Variants in OSBPL6 observed in about 807,000 individuals in gnomAD.
OSBPL6 encodes the protein oxysterol-binding protein-related protein 6.
A neutral mutation model predicts 125.8 loss-of-function variants in OSBPL6; 49 were observed. That is an observed-to-expected ratio of 0.39 (90% CI 0.31 to 0.49). The LOEUF is 0.49. Among genes scored for constraint, OSBPL6 ranks in the 20% least tolerant of loss-of-function variants. The pLI, the probability that OSBPL6 is intolerant of heterozygous loss-of-function variation, is 0.88. For missense variants in OSBPL6, 986 were observed against 1,135.4 expected, an observed-to-expected ratio of 0.87 and a Z score of 1.89; for synonymous variants, 394 against 391.8, an observed-to-expected ratio of 1.01 and a Z score of -0.07.
chr2:178,213,604 C>A (rs566338882), intron 1 of OSBPL6, among the ~76,000 whole-genome samples: 8 of 152,196 alleles, frequency 5.3e-5, no homozygotes, highest in Non-Finnish European at 1.2e-4. Flanking sequence ...AAACTATACA[C>A]ACCTGCTAGG....
intron 13 of OSBPL6, among the ~76,000 whole-genome samples, chr2:178,362,691 A>C (rs1458580846): frequency 6.6e-6 from 1 of 152,164 alleles, no homozygotes; most frequent in Admixed American, 6.5e-5. Flanking sequence ...CCTAAAAAGT[A>C]GACTTACACC....
At chr2:178,275,919 C>G (rs1013297186) in intron 1 of OSBPL6, among the ~76,000 whole-genome samples, 2 of 152,072 alleles carry the variant, frequency 1.3e-5, no homozygotes, top group African/African-American at 4.8e-5. Flanking sequence ...ATGAGGAACC[C>G]GAGGCACAGA....
At chr2:178,241,975 G>A (rs1436138394) in intron 1 of OSBPL6, among the ~76,000 whole-genome samples, 1 of 152,178 alleles carries the variant, frequency 6.6e-6, no homozygotes, top group Non-Finnish European at 1.5e-5. Flanking sequence ...TTTGTAGCCT[G>A]GGAGCAATAG....
chr2:178,209,874 A>G (rs1390230953), intron 1 of OSBPL6, among the ~76,000 whole-genome samples: 2 of 151,916 alleles, frequency 1.3e-5, no homozygotes, highest in African/African-American at 4.8e-5. Context: ...AAAAAAAAAA[A>G]CTACTAAATA....
chr2:178,372,172 A>G lies in OSBPL6; in HGVS notation c.1334A>G (p.His445Arg). The change falls in exon 14 of 25, where the codon CAT (histidine) becomes CGT (arginine). Residue 445 changes from histidine to arginine, a missense_variant. By Grantham distance (29) the His-to-Arg change is conservative. Transcript: ENST00000190611. ...AELRSRLNRI[H>R]SESIICDQVV... ...CTAAGGAGTCGGTTGAACAGAATAC[A>G]TTCAGAGTCTATTATTTGTGATCAG... 1 of 1,613,430 alleles carries G rather than the reference A, an allele frequency of 6.2e-7. No individual in the cohort carries two copies. Among genetic ancestry groups the G allele is most frequent in the African/African-American group, 1.3e-5 (1 of 75,034 alleles).
At chr2:178,246,220 C>T (rs2091485191) in intron 1 of OSBPL6, among the ~76,000 whole-genome samples, 1 of 152,134 alleles carries the variant, frequency 6.6e-6, no homozygotes. Context: ...TTATGAAGGC[C>T]GTTCAATCCT....
At chr2:178,268,529 A>G (rs2092302330) in intron 1 of OSBPL6, among the ~76,000 whole-genome samples, 1 of 152,174 alleles carries the variant, frequency 6.6e-6, no homozygotes, top group East Asian at 1.9e-4. Flanking sequence ...TGGTTCTGTC[A>G]TGACTTCTTC....
chr2:178,241,727 A>T (rs889641983), intron 1 of OSBPL6, among the ~76,000 whole-genome samples: 6 of 152,144 alleles, frequency 3.9e-5, no homozygotes, highest in Non-Finnish European at 8.8e-5. Context: ...GAGGCTTTTT[A>T]AAAGACATCT....
intron 1 of OSBPL6, among the ~76,000 whole-genome samples, chr2:178,195,695 A>T (rs1051548366): frequency 1.3e-5 from 2 of 152,232 alleles, no homozygotes; most frequent in Non-Finnish European, 2.9e-5. Context: ...CTGGGTTGCC[A>T]GATTATTTCT....
intron 1 of OSBPL6, among the ~76,000 whole-genome samples, chr2:178,243,525 C>G (rs916268995): frequency 6.6e-6 from 1 of 151,904 alleles, no homozygotes; most frequent in Non-Finnish European, 1.5e-5. Context: ...TCACTGCACT[C>G]CCCCCGACCC....
intron 1 of OSBPL6, among the ~76,000 whole-genome samples, chr2:178,252,316 C>G (rs951392188): frequency 3.2e-5 from 3 of 93,860 alleles, no homozygotes; most frequent in Non-Finnish European, 6.5e-5. Flanking sequence ...GTTGATTGGC[C>G]ATACCTTCTG....
Position 178,399,724 on chromosome 2 carries a change from G to A in OSBPL6, c.*4165G>A, listed in dbSNP as rs1422057289. The A allele has an allele frequency of 2.0e-5, 3 of 152,178 alleles. No individual in the cohort carries two copies. Among genetic ancestry groups the A allele is most frequent in the Non-Finnish European group, 4.4e-5 (3 of 68,028 alleles). 9.4% of individuals were successfully genotyped at this position (152,178 alleles called of 1,614,324 possible). ...TTTCTCCAGCCTTGCTCCTAACATAGTGAAAGGCATAGATACACATGTATG... is the reference window on the plus strand; with the variant it reads ...TTTCTCCAGCCTTGCTCCTAACATAATGAAAGGCATAGATACACATGTATG... On this transcript the variant is annotated 3_prime_UTR_variant, in exon 25 of 25. Transcript: ENST00000190611.
chr2:178,243,359 C>T (rs928530311), intron 1 of OSBPL6, among the ~76,000 whole-genome samples: 1 of 151,592 alleles, frequency 6.6e-6, no homozygotes, highest in African/African-American at 2.4e-5. Flanking sequence ...TCAAAGGCAT[C>T]TTTAACTTCT....
intron 21 of OSBPL6, among the ~76,000 whole-genome samples, chr2:178,390,781 G>A (rs1231175918): frequency 1.3e-5 from 2 of 152,026 alleles, no homozygotes; most frequent in African/African-American, 4.8e-5. Context: ...TTCAAAACAA[G>A]AGGAAAAAAA....
At chr2:178,221,933 G>A (rs1194764189) in intron 1 of OSBPL6, among the ~76,000 whole-genome samples, 1 of 152,194 alleles carries the variant, frequency 6.6e-6, no homozygotes, top group African/African-American at 2.4e-5. Flanking sequence ...AAATCACCAA[G>A]GAGTGCTGTG....
chr2:178,200,920 C>T (rs565610503), intron 1 of OSBPL6, among the ~76,000 whole-genome samples: 3 of 151,974 alleles, frequency 2.0e-5, no homozygotes, highest in South Asian at 2.1e-4. Flanking sequence ...CTCAGCCTCC[C>T]GAGTAGCTGG....
At chr2:178,263,388 G>A (rs983989152) in intron 1 of OSBPL6, among the ~76,000 whole-genome samples, 7 of 152,224 alleles carry the variant, frequency 4.6e-5, no homozygotes, top group African/African-American at 1.4e-4. Flanking sequence ...TGAGATGGGA[G>A]CATTGCTTGA....
At chr2:178,197,597 G>A (rs1336323004) in intron 1 of OSBPL6, among the ~76,000 whole-genome samples, 1 of 152,056 alleles carries the variant, frequency 6.6e-6, no homozygotes, top group Non-Finnish European at 1.5e-5. Context: ...TATAAATTAG[G>A]TACAGTAAGA....
In OSBPL6 at chr2:178,336,512, G is replaced by C. The variant is rs1689697747; in HGVS notation, c.790+79G>C. On this transcript the variant is annotated intron_variant, in intron 9 of 24. Transcript: ENST00000190611. Reference sequence around the variant, plus strand: ...AAACCCGAAGAGGTCAATTATGAGTGCTACATCTTTTACCCTGATTGCCTT... The same window carrying C: ...AAACCCGAAGAGGTCAATTATGAGTCCTACATCTTTTACCCTGATTGCCTT... The C allele has an allele frequency of 2.0e-6, 3 of 1,508,824 alleles. No homozygotes were observed. The South Asian group carries it at 3.7e-5, about 18-fold the overall frequency. The allele number at this position is 1,508,824 out of a possible 1,614,324, so 93.5% of individuals were successfully genotyped here. A position where few individuals can be genotyped will look rare whatever the true frequency, so the allele number is the denominator to read the frequency against.
Sources: gnomAD v4.1 joint callset for allele counts (sites outside exome capture counted in the v4.1 genomes callset) on GRCh38, gnomAD v4.1.1 for gene constraint, MANE v1.5 for transcripts, NCBI Gene and HGNC (gene_info 2026-07-23, HGNC 2026-07-21) for gene names.